The following COLEC10 variants were observed in gnomAD, a reference collection of about 807,000 sequenced individuals.
COLEC10 encodes collectin subfamily member 10.
In COLEC10, 22 loss-of-function variants were observed where a neutral mutation model predicts 28.4. The observed-to-expected ratio is 0.78, with a 90% confidence interval of 0.55 to 1.11. The LOEUF is 1.11. Ranked by LOEUF, COLEC10 falls within the 50% of genes least tolerant of loss-of-function variation. COLEC10 has a pLI of 0.00. For missense variants in COLEC10, 361 were observed against 344.1 expected, an observed-to-expected ratio of 1.05 and a Z score of -0.39; for synonymous variants, 125 against 116.1, an observed-to-expected ratio of 1.08 and a Z score of -0.49.
At chr8:119,072,646 C>T (rs1815147047) in intron 1 of COLEC10, among the ~76,000 whole-genome samples, 2 of 152,188 alleles carry the variant, frequency 1.3e-5, no homozygotes, top group African/African-American at 4.8e-5. Context: ...GTTGATGGCA[C>T]CTCAGTGTTT....
intron 2 of COLEC10, among the ~76,000 whole-genome samples, chr8:119,028,170 T>G (rs1288009141): frequency 6.6e-6 from 1 of 152,130 alleles, no homozygotes; most frequent in East Asian, 1.9e-4. Flanking sequence ...ACATCTTTGT[T>G]TCTTGGCATC....
rs1432499187 is a variant in COLEC10 at position 119,108,091 on chromosome 8, T to C, written c.*1900T>C. On this transcript the variant is annotated 3_prime_UTR_variant, in exon 6 of 6. Coordinates refer to ENST00000332843, the MANE Select transcript of COLEC10 (RefSeq NM_006438.5). ...TCAATTCAGCTTAATAATAGGAATT[T>C]GTTATATGTTTGACATTTATCAGGT... Among the ~76,000 whole-genome samples the C allele has an allele frequency of 1.3e-5, 2 of 152,168 alleles. No individual in the cohort carries two copies. Among genetic ancestry groups the C allele is most frequent in the African/African-American group, 4.8e-5 (2 of 41,448 alleles).
intron 1 of COLEC10, among the ~76,000 whole-genome samples, chr8:119,083,106 C>T (rs534642652): frequency 7.2e-5 from 11 of 152,286 alleles, no homozygotes; most frequent in Non-Finnish European, 1.3e-4. Context: ...GTCAACCAAA[C>T]ACACAGAGAA....
At chr8:118,960,785 G>GAAA in the COLEC10 span, among the ~76,000 whole-genome samples, 21 of 72,532 alleles carry the variant, frequency 2.9e-4, no homozygotes, top group East Asian at 4.6e-4. Flanking sequence ...GAGACTCTGT[G>GAAA]AAAAAAAAAA....
chr8:118,987,279 C>A, the COLEC10 span, among the ~76,000 whole-genome samples: 1 of 152,096 alleles, frequency 6.6e-6, no homozygotes, highest in South Asian at 2.1e-4. Context: ...TGATTGATAA[C>A]CAGGCTGGGT....
chr8:119,003,704 C>T (rs2130068244), intron 1 of COLEC10, among the ~76,000 whole-genome samples: 1 of 152,118 alleles, frequency 6.6e-6, no homozygotes, highest in African/African-American at 2.4e-5. Flanking sequence ...ATCCCACTTC[C>T]TGTTTGATTT....
intron 1 of COLEC10, among the ~76,000 whole-genome samples, chr8:119,088,940 CAG>C (rs543327917): frequency 2.2e-5 from 3 of 134,232 alleles, no homozygotes; most frequent in Admixed American, 1.5e-4. Flanking sequence ...AAGTGAGACT[CAG>C]AGAGGGAAGT....
chr8:119,009,990 C>T (rs1813876325), intron 2 of COLEC10, among the ~76,000 whole-genome samples: 1 of 150,846 alleles, frequency 6.6e-6, no homozygotes, highest in South Asian at 2.1e-4. Flanking sequence ...GGTGCATTTG[C>T]TACAATTTAT....
chr8:119,031,702 G>A (rs1563722502), intron 2 of COLEC10, among the ~76,000 whole-genome samples: 2 of 152,140 alleles, frequency 1.3e-5, no homozygotes, highest in Admixed American at 1.3e-4. Flanking sequence ...CCTCTATCCT[G>A]GTTATCCATA....
chr8:119,029,781 T>A (rs575685195), intron 2 of COLEC10, among the ~76,000 whole-genome samples: 2 of 152,134 alleles, frequency 1.3e-5, no homozygotes, highest in Non-Finnish European at 2.9e-5. Flanking sequence ...AAAGAATAAG[T>A]ATAAGACAAA....
the COLEC10 span, among the ~76,000 whole-genome samples, chr8:118,961,090 A>G: frequency 3.3e-5 from 5 of 152,342 alleles, no homozygotes; most frequent in East Asian, 9.6e-4. Context: ...CCAATAAAAC[A>G]TTATTTGATC....
intron 2 of COLEC10, among the ~76,000 whole-genome samples, chr8:119,021,935 A>G (rs1235061565): frequency 1.3e-5 from 2 of 152,156 alleles, no homozygotes; most frequent in Admixed American, 6.6e-5. Flanking sequence ...GAAACAGGTC[A>G]ACAGAAAAGC....
chr8:118,959,694 A>T, the COLEC10 span, among the ~76,000 whole-genome samples: 10,707 of 152,240 alleles, frequency 0.07, 1,233 homozygotes, highest in African/African-American at 0.24. Context: ...TACTACCTAC[A>T]TGAAACTATA....
intron 1 of COLEC10, among the ~76,000 whole-genome samples, chr8:119,083,299 CCTCTCTGAGA>C (rs958879662): frequency 1.3e-5 from 2 of 152,158 alleles, no homozygotes; most frequent in African/African-American, 4.8e-5. Flanking sequence ...GATAGTCTAT[CCTCTCTGAGA>C]CTCCTGCAGA....
chr8:119,068,740 A>G (rs1815023675), intron 1 of COLEC10: 1 of 152,122 alleles, frequency 6.6e-6, no homozygotes, highest in Non-Finnish European at 1.5e-5. Context: ...GCATCTGCAG[A>G]CATTATGAGA....
intron 1 of COLEC10, among the ~76,000 whole-genome samples, chr8:119,078,822 A>G (rs1481769620): frequency 2.0e-5 from 3 of 151,800 alleles, no homozygotes; most frequent in Admixed American, 6.6e-5. Context: ...CAATTACTTT[A>G]ACACCAACCT....
chr8:118,980,944 T>C, the COLEC10 span, among the ~76,000 whole-genome samples: 1 of 151,398 alleles, frequency 6.6e-6, no homozygotes, highest in Non-Finnish European at 1.5e-5. Context: ...TGTTACTTCT[T>C]CATATTGACC....
chr8:119,069,794 T>A (rs1815066382), intron 1 of COLEC10, among the ~76,000 whole-genome samples: 1 of 151,332 alleles, frequency 6.6e-6, no homozygotes, highest in South Asian at 2.1e-4. Context: ...AGTAAGTGTT[T>A]TAAAGGTCTG....
chr8:118,976,333 T>A, the COLEC10 span, among the ~76,000 whole-genome samples: 1 of 152,074 alleles, frequency 6.6e-6, no homozygotes, highest in Admixed American at 6.6e-5. Context: ...TCCTAGAGTG[T>A]CCTCACTTAG....
Sources: gnomAD v4.1 joint callset for allele counts (sites outside exome capture counted in the v4.1 genomes callset) on GRCh38, gnomAD v4.1.1 for gene constraint, MANE v1.5 for transcripts, NCBI Gene and HGNC (gene_info 2026-07-23, HGNC 2026-07-21) for gene names.